KIT: variants seen among roughly 807,000 people sequenced by gnomAD.
The protein encoded by KIT is KIT proto-oncogene, receptor tyrosine kinase, also known as mast/stem cell growth factor receptor Kit.
Under a neutral mutation model 105.7 loss-of-function variants are expected in KIT, and 16 were observed. That is an observed-to-expected ratio of 0.15 (90% confidence interval 0.10 to 0.23). The LOEUF (loss-of-function observed/expected upper bound fraction) is 0.23. Ranked by LOEUF, KIT falls within the 10% of genes least tolerant of loss-of-function variation. KIT has a pLI of 1.00. For synonymous variants in KIT, 438 were observed against 441.1 expected, an observed-to-expected ratio of 0.99 and a Z score of 0.09; for missense variants, 858 against 1,213.8, an observed-to-expected ratio of 0.71 and a Z score of 4.36.
At chr4:54,672,958 T>G (rs1240317796) in intron 1 of KIT, among the ~76,000 whole-genome samples, 1 of 152,228 alleles carries the variant, frequency 6.6e-6, no homozygotes, top group Non-Finnish European at 1.5e-5. Context: ...CTTGGATACC[T>G]TTATTATTTT....
At chr4:54,662,987 CA>C (rs1176974814) in intron 1 of KIT, among the ~76,000 whole-genome samples, 40 of 146,624 alleles carry the variant, frequency 2.7e-4, no homozygotes, top group African/African-American at 9.7e-4. Flanking sequence ...TTTTTTTCTC[CA>C]GGGGGGAAAA....
At chr4:54,690,807 T>TA (rs1446402430) in intron 1 of KIT, among the ~76,000 whole-genome samples, 3 of 152,010 alleles carry the variant, frequency 2.0e-5, no homozygotes, top group African/African-American at 2.4e-5. Flanking sequence ...TCTACTCTTT[T>TA]AAAAAAAACT....
chr4:54,703,713 G>T lies in KIT; in HGVS notation c.757-11G>T. The T allele has an allele frequency of 6.2e-7, 1 of 1,610,058 alleles. No individual in the cohort carries two copies. Among genetic ancestry groups the T allele is most frequent in the Admixed American group, 1.7e-5 (1 of 59,900 alleles). ...TCTTCATTTTTTTTTCTCCTTTTCT[G>T]AAACCAGCAGACTAAACTACAGGAG... On this transcript the variant is annotated splice_polypyrimidine_tract_variant and intron_variant, in intron 4 of 20. Coordinates refer to ENST00000288135, the MANE Select transcript of KIT (RefSeq NM_000222.3).
intron 17 of KIT, 175 bp downstream of exon 17, chr4:54,733,367 C>A (rs757471689): frequency 3.3e-5 from 20 of 610,876 alleles, no homozygotes; most frequent in Non-Finnish European, 5.3e-5. Flanking sequence ...AACATTACTA[C>A]AACTAACATT....
chr4:54,668,069 A>G (rs555253905), intron 1 of KIT, among the ~76,000 whole-genome samples: 1 of 152,308 alleles, frequency 6.6e-6, no homozygotes, highest in South Asian at 2.1e-4. Context: ...TTATTCATTG[A>G]AGCAAAGATA....
chr4:54,708,275 A>G (rs1001332645), intron 6 of KIT, among the ~76,000 whole-genome samples: 1 of 152,098 alleles, frequency 6.6e-6, no homozygotes, highest in Non-Finnish European at 1.5e-5. Flanking sequence ...GGGATTGTTT[A>G]GGTAGGAAGT....
chr4:54,691,705 G>A (rs1452935215), intron 1 of KIT, among the ~76,000 whole-genome samples: 1 of 152,194 alleles, frequency 6.6e-6, no homozygotes, highest in East Asian at 1.9e-4. Context: ...ATTGTTTTAG[G>A]CTGATGGACC....
chr4:54,709,268 A>C (rs959658851), intron 6 of KIT, among the ~76,000 whole-genome samples, 156 bp from the exon 7 acceptor site: 1 of 152,336 alleles, frequency 6.6e-6, no homozygotes, highest in South Asian at 2.1e-4. Flanking sequence ...GTGCGTGTTT[A>C]TGTATTTGTT....
At chr4:54,696,131 A>G (rs1720048227) in intron 2 of KIT, among the ~76,000 whole-genome samples, 1 of 152,026 alleles carries the variant, frequency 6.6e-6, no homozygotes, top group African/African-American at 2.4e-5. Flanking sequence ...CCACTTAGTA[A>G]AAACACTTCA....
At chr4:54,690,022 C>T (rs890426755) in intron 1 of KIT, among the ~76,000 whole-genome samples, 3 of 148,684 alleles carry the variant, frequency 2.0e-5, no homozygotes, top group Admixed American at 1.3e-4. Context: ...AAGGTTCATT[C>T]ATGTGTGGCA....
intron 1 of KIT, among the ~76,000 whole-genome samples, chr4:54,660,681 A>T (rs1215430001): frequency 1.3e-5 from 2 of 152,046 alleles, no homozygotes; most frequent in Non-Finnish European, 2.9e-5. Context: ...TGAGCCTAGG[A>T]AGTAGTACTA....
At chr4:54,659,451 C>T (rs917076717) in intron 1 of KIT, among the ~76,000 whole-genome samples, 9 of 152,150 alleles carry the variant, frequency 5.9e-5, no homozygotes, top group African/African-American at 2.2e-4. Context: ...TGAGTCTTAG[C>T]TGGAATCAAG....
chr4:54,663,534 G>A (rs536755336), intron 1 of KIT, among the ~76,000 whole-genome samples: 17 of 149,590 alleles, frequency 1.1e-4, no homozygotes, highest in East Asian at 3.9e-4. Flanking sequence ...TTTTTTTTTC[G>A]TATTAAGATG....
chr4:54,701,652 CT>C (rs1461138504), intron 4 of KIT, among the ~76,000 whole-genome samples: 1 of 152,138 alleles, frequency 6.6e-6, no homozygotes, highest in Non-Finnish European at 1.5e-5. Flanking sequence ...TGCACTATTC[CT>C]TTCAGCGCTG....
chr4:54,672,774 G>A (rs1198812305), intron 1 of KIT, among the ~76,000 whole-genome samples: 3 of 152,054 alleles, frequency 2.0e-5, no homozygotes, highest in East Asian at 3.9e-4. Context: ...TAATGCTGGC[G>A]GCCAGTCTTT....
At position 54,695,133 on chromosome 4, in the gene KIT, T is replaced by G. The variant is rs1719968130; in HGVS notation, c.68-379T>G. On this transcript the variant is annotated intron_variant, in intron 1 of 20. Transcript: ENST00000288135. ...GACAGGCCAGTAGTTTCTTTTTTCT[T>G]TTTCCCCATAGTGTGAGATTTTGTT... 3.9e-5 allele frequency among the ~76,000 whole-genome samples: 6 copies of G among 152,304 alleles called. 1 individual carries two copies. The South Asian group carries it at 1.2e-3, about 32-fold the overall frequency.
chr4:54,714,442 T>TC (rs1721340266), intron 7 of KIT, among the ~76,000 whole-genome samples: 1 of 151,994 alleles, frequency 6.6e-6, no homozygotes, highest in Non-Finnish European at 1.5e-5. Context: ...TTGGCTTTTT[T>TC]CCCCACTCCA....
At chr4:54,671,070 T>G (rs1197396279) in intron 1 of KIT, among the ~76,000 whole-genome samples, 1 of 152,220 alleles carries the variant, frequency 6.6e-6, no homozygotes, top group Non-Finnish European at 1.5e-5. Context: ...CTCCTGTTAC[T>G]GTAGCTGGCC....
chr4:54,722,315 A>G (rs1721929974), intron 7 of KIT, among the ~76,000 whole-genome samples: 2 of 152,100 alleles, frequency 1.3e-5, no homozygotes, highest in South Asian at 4.1e-4. Flanking sequence ...TAATTGTTTC[A>G]TTTCTATAAG....
Sources: allele counts gnomAD v4.1 joint callset (sites outside exome capture counted in the v4.1 genomes callset), GRCh38; gene constraint gnomAD v4.1.1; transcripts MANE v1.5; gene names NCBI Gene and HGNC (gene_info 2026-07-23, HGNC 2026-07-21).